PUM2: variants seen among roughly 807,000 people sequenced by gnomAD.
PUM2 encodes pumilio RNA binding family member 2.
A neutral mutation model predicts 124.5 loss-of-function variants in PUM2; 57 were observed. The ratio of observed to expected loss-of-function variants is 0.46; its 90% CI spans 0.37 to 0.57. PUM2 has a LOEUF of 0.57. Ranked by LOEUF, PUM2 falls within the 20% of genes least tolerant of loss-of-function variation. PUM2 has a pLI of 0.00. For missense variants in PUM2, 1,065 were observed against 1,290.6 expected (o/e 0.83, Z 2.68); for synonymous variants, 460 against 446.1 (o/e 1.03, Z -0.39).
At chr2:20,278,540 C>A in intron 13 of PUM2, 43 bp downstream of exon 13, 1 of 1,446,828 alleles carries the variant, frequency 6.9e-7, no homozygotes, top group Non-Finnish European at 9.7e-7. Flanking sequence ...AACACACATA[C>A]ATGTATACAT....
rs869149732 is a variant in PUM2, at chr2:20,264,336, C to CA, written c.1958-877dup. 9.1e-4 allele frequency among the ~76,000 whole-genome samples: 23 copies of CA among 25,390 alleles called. 2 individuals carry two copies. The highest frequency in any genetic ancestry group is 3.6e-3 in the African/African-American group (21 of 5,858). The allele number at this position is 25,390 out of a possible 152,430, so 16.7% of individuals were successfully genotyped here. A position where few individuals can be genotyped will look rare whatever the true frequency, so the allele number is the denominator to read the frequency against. On this transcript the variant is annotated intron_variant, in intron 13 of 20. Coordinates refer to ENST00000361078, the MANE Select transcript of PUM2 (RefSeq NM_015317.5). ...TGGGTGACACAGCAACACTCTGTCTCAAAAAAAAAAAAAAAAAAAAAAAAA... is the reference window on the plus strand; with the variant it reads ...TGGGTGACACAGCAACACTCTGTCTCAAAAAAAAAAAAAAAAAAAAAAAAAA...
intron 20 of PUM2, among the ~76,000 whole-genome samples, chr2:20,253,071 T>C (rs1241821030): frequency 1.3e-5 from 2 of 152,094 alleles, no homozygotes; most frequent in East Asian, 1.9e-4. Context: ...GGCACAGGAG[T>C]GGGTGGGTCC....
intron 7 of PUM2, among the ~76,000 whole-genome samples, chr2:20,301,566 C>G (rs111719598): frequency 3.7e-3 from 557 of 152,246 alleles, no homozygotes; most frequent in African/African-American, 0.013. Flanking sequence ...TCATAAATCT[C>G]TGTCTACAGA....
chr2:20,273,758 C>T (rs756554549), intron 13 of PUM2, among the ~76,000 whole-genome samples: 6 of 152,090 alleles, frequency 3.9e-5, no homozygotes, highest in Admixed American at 3.3e-4. Context: ...TATACACAGT[C>T]CCTAAATTGC....
chr2:20,268,354 G>A (rs1293577782), intron 13 of PUM2, among the ~76,000 whole-genome samples: 3 of 152,214 alleles, frequency 2.0e-5, no homozygotes, highest in Non-Finnish European at 2.9e-5. Context: ...GCTCAGGCCT[G>A]TAATCCCAGC....
intron 1 of PUM2, among the ~76,000 whole-genome samples, chr2:20,342,692 A>G (rs1687461862): frequency 6.6e-6 from 1 of 152,242 alleles, no homozygotes; most frequent in African/African-American, 2.4e-5. Context: ...TGAATAGTCT[A>G]AGAAATATAT....
intron 16 of PUM2, among the ~76,000 whole-genome samples, chr2:20,257,230 A>G (rs1253360579): frequency 6.6e-6 from 1 of 152,110 alleles, no homozygotes; most frequent in Non-Finnish European, 1.5e-5. Context: ...AAATGTGTTT[A>G]TATTTCTCCA....
Position 20,308,003 on chromosome 2 carries a change from T to G in PUM2, c.858A>C (p.Leu286Phe). Residue 286 changes from leucine to phenylalanine, a missense_variant, in exon 7 of 21, where the codon TTA becomes TTC. Transcript: ENST00000361078. Reference protein sequence around the residue: ...LTAAQQQQYALAAAQQPHIAG... With the variant: ...LTAAQQQQYAFAAAQQPHIAG... ...CTATATGTGGCTGCTGAGCTGCTGC[T>G]AATGCATATTGCTGCTGTTGAGCTG... 2 of 1,613,578 alleles carry G rather than the reference T, an allele frequency of 1.2e-6. No individual in the cohort carries two copies. Among genetic ancestry groups the G allele is most frequent in the Non-Finnish European group, 1.7e-6 (2 of 1,179,506 alleles).
At chr2:20,314,927 G>C (rs1680515610) in intron 3 of PUM2, among the ~76,000 whole-genome samples, 1 of 150,278 alleles carries the variant, frequency 6.7e-6, no homozygotes, top group African/African-American at 2.5e-5. Context: ...AGATCTGAAA[G>C]ATGGGCATTC....
At chr2:20,256,912 C>T (rs1040960041) in intron 16 of PUM2, among the ~76,000 whole-genome samples, 5 of 151,570 alleles carry the variant, frequency 3.3e-5, no homozygotes, top group Non-Finnish European at 5.9e-5. Context: ...GACGTGGTGG[C>T]GCATGTCTGT....
At chr2:20,351,567 CCTT>C (rs1689344656), upstream of PUM2, among the ~76,000 whole-genome samples, 1 of 152,212 alleles carries the variant, frequency 6.6e-6, no homozygotes, top group Non-Finnish European at 1.5e-5. Context: ...AGCGCTCTCT[CCTT>C]CCCCGTTTAC....
chr2:20,284,043 AG>A (rs1032544340), intron 10 of PUM2, among the ~76,000 whole-genome samples: 1 of 152,252 alleles, frequency 6.6e-6, no homozygotes, highest in African/African-American at 2.4e-5. Context: ...CTTAAGCACA[AG>A]GTAGGTAATC....
intron 16 of PUM2, 130 bp downstream of exon 16, chr2:20,258,113 A>T (rs1665251149): frequency 1.2e-6 from 1 of 818,746 alleles, no homozygotes; most frequent in Non-Finnish European, 1.8e-6. Flanking sequence ...AGGACACAGT[A>T]ACAACATTTT....
At chr2:20,330,056 A>T (rs1399978906) in intron 1 of PUM2, among the ~76,000 whole-genome samples, 4 of 152,170 alleles carry the variant, frequency 2.6e-5, no homozygotes, top group African/African-American at 9.7e-5. Flanking sequence ...TGAAAATCAA[A>T]GAGAAAAAGT....
intron 1 of PUM2, among the ~76,000 whole-genome samples, chr2:20,345,065 T>C (rs1285524890): frequency 2.7e-5 from 4 of 148,596 alleles, no homozygotes; most frequent in Non-Finnish European, 6.0e-5. Flanking sequence ...AGTCTCTACC[T>C]ACATGTGTCC....
intron 12 of PUM2, among the ~76,000 whole-genome samples, chr2:20,281,867 C>T (rs552682244): frequency 1.3e-5 from 2 of 152,236 alleles, no homozygotes; most frequent in Admixed American, 1.3e-4. Context: ...TGTTCTAGAC[C>T]ATCCTTCCTG....
At position 20,323,843 on chromosome 2, in the gene PUM2, C is replaced by T. The variant is rs148223999; in HGVS notation, c.51+3467G>A. Among the ~76,000 whole-genome samples, 963 of 123,766 alleles carry T rather than the reference C, an allele frequency of 7.8e-3. 5 individuals are homozygous for T. Among genetic ancestry groups the T allele is most frequent in the African/African-American group, 0.027 (889 of 33,258 alleles). 81.2% of individuals were successfully genotyped at this position (123,766 alleles called of 152,430 possible). A position where few individuals can be genotyped will look rare whatever the true frequency, so the allele number is the denominator to read the frequency against. On this transcript the variant is annotated intron_variant, in intron 2 of 20. Transcript: ENST00000361078. Reference sequence around the variant, plus strand: ...TTAACTACCATAAAAGAGTTCTTTTCAATCATATTTTAATTCATCATGATT... The same window carrying T: ...TTAACTACCATAAAAGAGTTCTTTTTAATCATATTTTAATTCATCATGATT...
In PUM2 at chr2:20,307,598, C is replaced by T. The variant is rs1261317003; in HGVS notation, c.883+380G>A. 2.0e-5 allele frequency among the ~76,000 whole-genome samples: 3 copies of T among 151,992 alleles called. No homozygotes were observed. The East Asian group carries it at 5.8e-4, about 29-fold the overall frequency. On this transcript the variant is annotated intron_variant, in intron 7 of 20. Coordinates refer to ENST00000361078, the MANE Select transcript of PUM2 (RefSeq NM_015317.5). Reference sequence around the variant, plus strand: ...ATCATGTACCAAGCTTGAATTCTAGCAGATTAAAAGTCAAAGACCAAATAA... The same window carrying T: ...ATCATGTACCAAGCTTGAATTCTAGTAGATTAAAAGTCAAAGACCAAATAA...
At chr2:20,349,702 T>C (rs991095536) in intron 1 of PUM2, among the ~76,000 whole-genome samples, 2 of 152,196 alleles carry the variant, frequency 1.3e-5, no homozygotes, top group African/African-American at 4.8e-5. Context: ...ACATTTCTCT[T>C]CACCGTTTAC....
Sources: allele counts gnomAD v4.1 joint callset (sites outside exome capture counted in the v4.1 genomes callset), GRCh38; gene constraint gnomAD v4.1.1; transcripts MANE v1.5; gene names NCBI Gene and HGNC (gene_info 2026-07-23, HGNC 2026-07-21).